MAP3K7CL: variants seen among roughly 807,000 people sequenced by gnomAD.
MAP3K7CL encodes the protein MAP3K7 C-terminal-like protein.
MAP3K7CL carries 16 observed loss-of-function variants against 18.6 expected under a neutral mutation model. The ratio of observed to expected loss-of-function variants is 0.86; its 90% CI spans 0.58 to 1.31. The LOEUF is 1.31. MAP3K7CL is among the 50% of genes most tolerant of loss of function. MAP3K7CL has a pLI of 0.00. For synonymous variants in MAP3K7CL, 65 were observed against 66.8 expected (o/e 0.97, Z 0.13); for missense variants, 163 against 174.4 (o/e 0.93, Z 0.37).
chr21:29,085,528 CAG>C (rs2085909238), upstream of MAP3K7CL, among the ~76,000 whole-genome samples: 1 of 110,338 alleles, frequency 9.1e-6, no homozygotes, highest in Admixed American at 1.4e-4. Context: ...GCCTGGGTGA[CAG>C]AGCCAGACTC....
intron 1 of MAP3K7CL, chr21:29,131,304 C>T (rs1044471362): frequency 6.6e-6 from 1 of 152,120 alleles, no homozygotes; most frequent in African/African-American, 2.4e-5. Context: ...GGGATTTAGC[C>T]AAAAGAGGAG....
At chr21:29,172,918 A>G (rs189161994) in intron 4 of MAP3K7CL, among the ~76,000 whole-genome samples, 14 of 144,426 alleles carry the variant, frequency 9.7e-5, no homozygotes, top group Admixed American at 8.3e-4. Flanking sequence ...TTTCAGGAAT[A>G]TATGTATTTT....
At chr21:29,154,553 C>T (rs1268217771) in intron 3 of MAP3K7CL, among the ~76,000 whole-genome samples, 2 of 152,256 alleles carry the variant, frequency 1.3e-5, no homozygotes, top group South Asian at 2.1e-4. Context: ...TAAACAATTT[C>T]GTAGCTTCAG....
chr21:29,150,873 G>A (rs549255510), intron 3 of MAP3K7CL, among the ~76,000 whole-genome samples: 17 of 150,858 alleles, frequency 1.1e-4, no homozygotes, highest in African/African-American at 3.6e-4. Context: ...GGGTTCAAGC[G>A]ATTCTCCCAT....
At chr21:29,108,756 A>G (rs1158177553) in intron 4 of MAP3K7CL, among the ~76,000 whole-genome samples, 1 of 152,164 alleles carries the variant, frequency 6.6e-6, no homozygotes, top group Non-Finnish European at 1.5e-5. Flanking sequence ...GAGATGAAGT[A>G]TGAGAAGATG....
chr21:29,106,238 G>T (rs1441043023), intron 4 of MAP3K7CL, among the ~76,000 whole-genome samples: 2 of 152,120 alleles, frequency 1.3e-5, no homozygotes, highest in Non-Finnish European at 2.9e-5. Flanking sequence ...CCAGGCTGGA[G>T]TACAGCGGCA....
intron 2 of MAP3K7CL, among the ~76,000 whole-genome samples, chr21:29,137,118 C>T (rs915557561): frequency 6.6e-6 from 1 of 152,150 alleles, no homozygotes; most frequent in South Asian, 2.1e-4. Context: ...TCAACTTACC[C>T]CTGAAATTAT....
At chr21:29,129,613 T>G (rs1411854056), upstream of MAP3K7CL, among the ~76,000 whole-genome samples, 1 of 152,250 alleles carries the variant, frequency 6.6e-6, no homozygotes, top group Admixed American at 6.5e-5. Context: ...TTTTGGCAAT[T>G]ATGCATAAAC....
At chr21:29,113,637 T>C (rs2086456781) in intron 4 of MAP3K7CL, among the ~76,000 whole-genome samples, 1 of 152,190 alleles carries the variant, frequency 6.6e-6, no homozygotes, top group African/African-American at 2.4e-5. Context: ...GCAATTCTCC[T>C]GCCTCAGCCT....
At chr21:29,098,989 A>G (rs2086172460) in intron 4 of MAP3K7CL, among the ~76,000 whole-genome samples, 1 of 152,108 alleles carries the variant, frequency 6.6e-6, no homozygotes, top group South Asian at 2.1e-4. Flanking sequence ...CCCCATATGG[A>G]AAGGGTCTCC....
intron 2 of MAP3K7CL, among the ~76,000 whole-genome samples, chr21:29,136,575 C>T (rs188273743): frequency 7.9e-5 from 12 of 151,810 alleles, no homozygotes; most frequent in South Asian, 4.2e-4. Context: ...CCCAGGCTGG[C>T]GTGCAGTGGT....
At chr21:29,110,247 C>G (rs1041878246) in intron 4 of MAP3K7CL, among the ~76,000 whole-genome samples, 1 of 152,156 alleles carries the variant, frequency 6.6e-6, no homozygotes, top group African/African-American at 2.4e-5. Context: ...GCCACCATAT[C>G]CCTCCATCAC....
intron 1 of MAP3K7CL, among the ~76,000 whole-genome samples, chr21:29,078,162 C>T (rs144803974): frequency 9.9e-5 from 15 of 151,870 alleles, no homozygotes; most frequent in South Asian, 4.2e-4. Flanking sequence ...CTTTTTCTGC[C>T]TCCATTTGTA....
intron 1 of MAP3K7CL, among the ~76,000 whole-genome samples, chr21:29,086,857 C>T (rs550948998): frequency 6.6e-6 from 1 of 152,122 alleles, no homozygotes; most frequent in Non-Finnish European, 1.5e-5. Flanking sequence ...TGATGACGTC[C>T]CCCTTTCCTG....
At chr21:29,108,999 C>G (rs1271214543) in intron 4 of MAP3K7CL, 7 of 1,483,200 alleles carry the variant, frequency 4.7e-6, no homozygotes, top group Non-Finnish European at 4.5e-6. Flanking sequence ...CGGCTGGACC[C>G]AAATAATTTT....
intron 1 of MAP3K7CL, among the ~76,000 whole-genome samples, chr21:29,080,373 G>A (rs574098525): frequency 1.9e-4 from 29 of 152,366 alleles, no homozygotes; most frequent in African/African-American, 7.0e-4. Context: ...TTTTCATGCT[G>A]TTTTGGCATT....
intron 4 of MAP3K7CL, among the ~76,000 whole-genome samples, chr21:29,103,618 C>T (rs2086270641): frequency 6.6e-6 from 1 of 152,008 alleles, no homozygotes; most frequent in Non-Finnish European, 1.5e-5. Context: ...TCCTGTAGTC[C>T]AGGCTACTTG....
At position 29,174,646 on chromosome 21, in the gene MAP3K7CL, C is replaced by A. The variant is rs1298261897; in HGVS notation, c.249-66C>A. 3.9e-6 allele frequency: 6 copies of A among 1,557,388 alleles called. No individual in the cohort carries two copies. The South Asian group carries it at 7.0e-5, about 18-fold the overall frequency. On this transcript the variant is annotated intron_variant, in intron 4 of 4. Coordinates refer to ENST00000399928, the MANE Select transcript of MAP3K7CL (RefSeq NM_001286620.2). ...TCATTCTACTTCCATCATGCTATTACTGAATAATTTAATTTGCTTGCATTG... is the reference window on the plus strand; with the variant it reads ...TCATTCTACTTCCATCATGCTATTAATGAATAATTTAATTTGCTTGCATTG...
intron 4 of MAP3K7CL, among the ~76,000 whole-genome samples, chr21:29,167,996 C>T (rs1349628270): frequency 6.6e-6 from 1 of 152,172 alleles, no homozygotes; most frequent in Non-Finnish European, 1.5e-5. Context: ...CCACGCCCGG[C>T]AGAGAAGGAC....
Sources: gnomAD v4.1 joint callset for allele counts (sites outside exome capture counted in the v4.1 genomes callset) on GRCh38, gnomAD v4.1.1 for gene constraint, MANE v1.5 for transcripts, NCBI Gene and HGNC (gene_info 2026-07-23, HGNC 2026-07-21) for gene names.